Variants in HSD17B12 observed in about 807,000 individuals in gnomAD.
The protein encoded by HSD17B12 is very-long-chain 3-oxoacyl-CoA reductase.
Under a neutral mutation model 39.3 loss-of-function variants are expected in HSD17B12, and 32 were observed. The observed-to-expected ratio is 0.81, with a 90% CI of 0.61 to 1.09. HSD17B12 has a LOEUF of 1.09. HSD17B12 is among the 50% of genes least tolerant of loss of function. The probability of loss-of-function intolerance (pLI) is 0.00; values close to 1 mark genes in which losing one functional copy is unlikely to be tolerated. For missense variants in HSD17B12, 342 were observed against 382.9 expected (o/e 0.89, Z 0.89); for synonymous variants, 150 against 146.7 (o/e 1.02, Z -0.16).
intron 1 of HSD17B12, among the ~76,000 whole-genome samples, chr11:43,726,077 G>A (rs118106425): frequency 2.0e-4 from 31 of 152,204 alleles, no homozygotes; most frequent in Non-Finnish European, 3.7e-4. Context: ...CAAATCAAAC[G>A]TTCTACTTAA....
intron 3 of HSD17B12, among the ~76,000 whole-genome samples, chr11:43,771,630 G>GT (rs1472504993): frequency 8.0e-4 from 121 of 151,704 alleles, no homozygotes; most frequent in African/African-American, 2.8e-3. Flanking sequence ...CTATGCCCAG[G>GT]TAATTTTTGT....
intron 1 of HSD17B12, among the ~76,000 whole-genome samples, chr11:43,684,073 C>G (rs10838149): frequency 0.49 from 75,163 of 152,038 alleles, 18,999 homozygotes; most frequent in Non-Finnish European, 0.53. Flanking sequence ...CATTACTTGG[C>G]TGGCCCACAC....
Position 43,680,778 on chromosome 11 carries a change from A to T in HSD17B12, c.-50A>T, listed in dbSNP as rs1554958674. ...ACGGCCGGCGCCTCCTCCTGGATTC[A>T]TTCACTCGCTCTTTTCATTCACGAA... On this transcript the variant is annotated 5_prime_UTR_variant, in exon 1 of 11. Coordinates refer to ENST00000278353, the MANE Select transcript of HSD17B12 (RefSeq NM_016142.3). 4.9e-5 allele frequency: 76 copies of T among 1,537,884 alleles called. 1 individual carries two copies. The South Asian group carries it at 7.9e-4, about 16-fold the overall frequency.
upstream of HSD17B12, among the ~76,000 whole-genome samples, chr11:43,677,668 C>T (rs893727288): frequency 2.3e-5 from 3 of 132,890 alleles, no homozygotes; most frequent in African/African-American, 8.2e-5. Context: ...TGTTCAATTC[C>T]CACCTATGAG....
At chr11:43,586,661 G>A in the HSD17B12 span, among the ~76,000 whole-genome samples, 1 of 152,168 alleles carries the variant, frequency 6.6e-6, no homozygotes, top group African/African-American at 2.4e-5. Context: ...TCACCTGCTT[G>A]TAGGACAGCT....
rs59970877 is a variant in HSD17B12, at chr11:43,810,367, TTATATATATATATATATATA to T, written c.392-5053_392-5034del. On this transcript the variant is annotated intron_variant, in intron 4 of 10. Transcript: ENST00000278353. ...ATTTTAAAGCAGTATAATTTAGAAA[TTATATATATATATATATATA>T]TATATATATATATATAAAATTCAGA... is the stretch of plus-strand genomic sequence containing the variant. 8.4e-4 allele frequency among the ~76,000 whole-genome samples: 50 copies of T among 59,666 alleles called. 1 individual carries two copies. Among genetic ancestry groups the T allele is most frequent in the Admixed American group, 4.5e-3 (32 of 7,136 alleles). 39.1% of individuals were successfully genotyped at this position (59,666 alleles called of 152,430 possible). A position where few individuals can be genotyped will look rare whatever the true frequency, so the allele number is the denominator to read the frequency against.
At chr11:43,757,157 A>G (rs185279397) in intron 3 of HSD17B12, among the ~76,000 whole-genome samples, 252 of 152,304 alleles carry the variant, frequency 1.7e-3, no homozygotes, top group African/African-American at 5.9e-3. Flanking sequence ...TCCAGGAGAA[A>G]GAAGGACCAG....
Position 43,681,030 on chromosome 11 carries a change from C to G in HSD17B12, c.160+43C>G, listed in dbSNP as rs765760846. On this transcript the variant is annotated intron_variant, in intron 1 of 10. Transcript: ENST00000278353. ...CCGCGTCCTCGCTCCCGCGGCGGCCCGGACCAGGCCTGGGCCGTGATGACT... is the reference window on the plus strand; with the variant it reads ...CCGCGTCCTCGCTCCCGCGGCGGCCGGGACCAGGCCTGGGCCGTGATGACT... The G allele has an allele frequency of 1.3e-5, 20 of 1,535,720 alleles. No homozygotes were observed. The African/African-American group carries it at 2.1e-4, about 16-fold the overall frequency.
At chr11:43,683,488 G>A (rs535396875) in intron 1 of HSD17B12, among the ~76,000 whole-genome samples, 11 of 151,940 alleles carry the variant, frequency 7.2e-5, no homozygotes, top group Non-Finnish European at 1.6e-4. Flanking sequence ...ACAAAATTAA[G>A]AGCAGCTCAT....
At chr11:43,736,987 T>C (rs915839960) in intron 1 of HSD17B12, among the ~76,000 whole-genome samples, 2 of 152,210 alleles carry the variant, frequency 1.3e-5, no homozygotes, top group East Asian at 3.9e-4. Context: ...GCAAGCTCTC[T>C]ATCATTTTCT....
At chr11:43,804,671 G>A (rs1299700241) in intron 4 of HSD17B12, among the ~76,000 whole-genome samples, 1 of 152,006 alleles carries the variant, frequency 6.6e-6, no homozygotes, top group Non-Finnish European at 1.5e-5. Context: ...ATGGATTTGG[G>A]GAAGCAATTG....
intron 6 of HSD17B12, among the ~76,000 whole-genome samples, chr11:43,816,664 G>A (rs1203459029): frequency 6.6e-6 from 1 of 151,618 alleles, no homozygotes; most frequent in Non-Finnish European, 1.5e-5. Flanking sequence ...GTGGTGTTTG[G>A]TTACATGAGT....
intron 3 of HSD17B12, among the ~76,000 whole-genome samples, chr11:43,757,461 G>A (rs953716401): frequency 1.3e-5 from 2 of 149,278 alleles, no homozygotes; most frequent in Non-Finnish European, 3.0e-5. Context: ...GTGAAACCCC[G>A]TCTCTACTAA....
chr11:43,625,222 C>A, the HSD17B12 span, among the ~76,000 whole-genome samples: 1 of 151,476 alleles, frequency 6.6e-6, no homozygotes, highest in Non-Finnish European at 1.5e-5. Flanking sequence ...CCAAATTTAA[C>A]TTTTATGAGC....
chr11:43,773,547 A>T (rs1468862694), intron 3 of HSD17B12, among the ~76,000 whole-genome samples: 1 of 152,092 alleles, frequency 6.6e-6, no homozygotes. Context: ...CCTAAAATCG[A>T]CTTTGTTTCT....
Position 43,832,160 on chromosome 11 carries a change from G to T in HSD17B12, c.536+1150G>T, listed in dbSNP as rs1951317450. On this transcript the variant is annotated intron_variant, in intron 7 of 10. Transcript: ENST00000278353. Reference sequence around the variant, plus strand: ...TGCCAGTGGGAGTGGACCCCTGATGGTCAGATATATAAATGGCAGTGGTTA... The same window carrying T: ...TGCCAGTGGGAGTGGACCCCTGATGTTCAGATATATAAATGGCAGTGGTTA... Among the ~76,000 whole-genome samples, 5 of 152,238 alleles carry T rather than the reference G, an allele frequency of 3.3e-5. No homozygotes were observed. In the South Asian group the frequency reaches 1.0e-3, roughly 32 times the overall value.
chr11:43,629,558 A>G, the HSD17B12 span, among the ~76,000 whole-genome samples: 1 of 152,198 alleles, frequency 6.6e-6, no homozygotes, highest in African/African-American at 2.4e-5. Context: ...AAATCCCACT[A>G]TGGTCCCATT....
the HSD17B12 span, among the ~76,000 whole-genome samples, chr11:43,622,886 A>T: frequency 6.6e-6 from 1 of 152,082 alleles, no homozygotes; most frequent in Non-Finnish European, 1.5e-5. Flanking sequence ...TTAAAAAAAA[A>T]TTTCAAAAGG....
chr11:43,818,648 C>T (rs1363555463), intron 6 of HSD17B12, among the ~76,000 whole-genome samples: 2 of 152,012 alleles, frequency 1.3e-5, no homozygotes, highest in African/African-American at 4.8e-5. Flanking sequence ...TTGTTATTAG[C>T]CAAGTTTTTT....
Sources: allele counts gnomAD v4.1 joint callset (sites outside exome capture counted in the v4.1 genomes callset), GRCh38; gene constraint gnomAD v4.1.1; transcripts MANE v1.5; gene names NCBI Gene and HGNC (gene_info 2026-07-23, HGNC 2026-07-21).